DNAJC1: variants seen among roughly 807,000 people sequenced by gnomAD.
The protein encoded by DNAJC1 is DnaJ heat shock protein family (Hsp40) member C1.
Under a neutral mutation model 76.6 loss-of-function variants are expected in DNAJC1, and 58 were observed. The ratio of observed to expected loss-of-function variants is 0.76; its 90% CI spans 0.61 to 0.94. DNAJC1 has a LOEUF of 0.94. Ranked by LOEUF, DNAJC1 falls within the 40% of genes least tolerant of loss-of-function variation. DNAJC1 has a pLI of 0.00. For missense variants in DNAJC1, 689 were observed against 677.3 expected (o/e 1.02, Z -0.19); for synonymous variants, 258 against 267.9 (o/e 0.96, Z 0.36).
chr10:21,960,397 A>G (rs1422069874), intron 1 of DNAJC1, among the ~76,000 whole-genome samples: 1 of 152,202 alleles, frequency 6.6e-6, no homozygotes, highest in African/African-American at 2.4e-5. Context: ...TAAGATATAG[A>G]AAACAAACAG....
chr10:21,925,400 A>G (rs750596216), intron 3 of DNAJC1, among the ~76,000 whole-genome samples: 1 of 152,208 alleles, frequency 6.6e-6, no homozygotes, highest in Admixed American at 6.5e-5. Context: ...TTGGGGGAGA[A>G]AAAGGCTTAA....
intron 1 of DNAJC1, among the ~76,000 whole-genome samples, chr10:21,963,848 T>C (rs943527960): frequency 6.6e-6 from 1 of 152,206 alleles, no homozygotes; most frequent in Non-Finnish European, 1.5e-5. Flanking sequence ...TTTTGCTTTT[T>C]TGTTTCTATT....
chr10:22,001,762 A>G (rs1364967734), intron 1 of DNAJC1, among the ~76,000 whole-genome samples: 1 of 152,236 alleles, frequency 6.6e-6, no homozygotes, highest in East Asian at 1.9e-4. Flanking sequence ...GATTATGTTT[A>G]AGACTCTCTT....
At chr10:21,889,699 C>T (rs1216398997) in intron 7 of DNAJC1, among the ~76,000 whole-genome samples, 1 of 152,070 alleles carries the variant, frequency 6.6e-6, no homozygotes, top group African/African-American at 2.4e-5. Flanking sequence ...AAACTAGCAA[C>T]CCAGAAACAC....
chr10:21,970,436 G>C (rs903614577), intron 1 of DNAJC1, among the ~76,000 whole-genome samples: 1 of 151,850 alleles, frequency 6.6e-6, no homozygotes, highest in Non-Finnish European at 1.5e-5. Context: ...AATAGCACTG[G>C]AACCAGAAAC....
chr10:21,942,879 A>T (rs949499469), intron 1 of DNAJC1, among the ~76,000 whole-genome samples: 6 of 152,028 alleles, frequency 3.9e-5, no homozygotes, highest in African/African-American at 1.4e-4. Context: ...TTCATGGTTC[A>T]TTTAAAAAAT....
At chr10:22,000,848 C>T (rs939403755) in intron 1 of DNAJC1, among the ~76,000 whole-genome samples, 2 of 152,148 alleles carry the variant, frequency 1.3e-5, no homozygotes, top group Non-Finnish European at 2.9e-5. Flanking sequence ...CAGAATCTGC[C>T]GGTGCCTTAA....
intron 8 of DNAJC1, among the ~76,000 whole-genome samples, chr10:21,841,938 T>A (rs1379456003): frequency 6.6e-6 from 1 of 152,012 alleles, no homozygotes; most frequent in Non-Finnish European, 1.5e-5. Flanking sequence ...TGAGTTCATG[T>A]CCTTTGTAGG....
At chr10:21,909,422 AC>A (rs565975120) in intron 6 of DNAJC1, among the ~76,000 whole-genome samples, 2,400 of 152,366 alleles carry the variant, frequency 0.016, 32 homozygotes, top group Non-Finnish European at 0.024. Flanking sequence ...TATATAAGAT[AC>A]AACAGTTTCC....
intron 8 of DNAJC1, among the ~76,000 whole-genome samples, chr10:21,830,215 T>C (rs1835333715): frequency 6.6e-6 from 1 of 152,186 alleles, no homozygotes; most frequent in Non-Finnish European, 1.5e-5. Flanking sequence ...CTCACTACCC[T>C]CTCTTTTTTT....
intron 1 of DNAJC1, among the ~76,000 whole-genome samples, chr10:21,969,799 T>C (rs72806949): frequency 0.035 from 5,345 of 152,238 alleles, 151 homozygotes; most frequent in African/African-American, 0.074. Flanking sequence ...TGGTATTATA[T>C]CTCAAGAATA....
intron 6 of DNAJC1, among the ~76,000 whole-genome samples, chr10:21,916,163 G>A (rs546173175): frequency 6.6e-6 from 1 of 152,116 alleles, no homozygotes; most frequent in Non-Finnish European, 1.5e-5. Flanking sequence ...ATGCCAGAAA[G>A]AGTACAAGAA....
intron 9 of DNAJC1, among the ~76,000 whole-genome samples, chr10:21,767,225 G>A (rs1210783121): frequency 2.0e-5 from 3 of 152,198 alleles, no homozygotes; most frequent in African/African-American, 7.2e-5. Context: ...GAGTGGGGCA[G>A]CTGCACCCAA....
intron 8 of DNAJC1, among the ~76,000 whole-genome samples, chr10:21,830,774 G>C (rs571016767): frequency 6.6e-6 from 1 of 152,030 alleles, no homozygotes; most frequent in South Asian, 2.1e-4. Flanking sequence ...CTACATTCTG[G>C]ATGATTTGAC....
intron 8 of DNAJC1, among the ~76,000 whole-genome samples, chr10:21,845,924 T>C (rs1233101257): frequency 6.6e-6 from 1 of 152,106 alleles, no homozygotes; most frequent in East Asian, 1.9e-4. Flanking sequence ...TAAGAAACTT[T>C]TGAAAAAAGA....
At chr10:21,941,084 T>C (rs1464419562) in intron 1 of DNAJC1, among the ~76,000 whole-genome samples, 1 of 113,406 alleles carries the variant, frequency 8.8e-6, no homozygotes, top group African/African-American at 3.5e-5. Context: ...ACTCCGTCTC[T>C]ACTAAAAATA....
At chr10:21,857,836 C>A (rs1176836513) in intron 8 of DNAJC1, among the ~76,000 whole-genome samples, 2 of 151,052 alleles carry the variant, frequency 1.3e-5, no homozygotes, top group African/African-American at 4.9e-5. Flanking sequence ...AGCCTGGCAA[C>A]AGAGCAAGGC....
chr10:21,801,643 A>G (rs781389684), intron 9 of DNAJC1, among the ~76,000 whole-genome samples: 9 of 152,172 alleles, frequency 5.9e-5, no homozygotes, highest in Non-Finnish European at 1.3e-4. Context: ...CTGGACATAT[A>G]CCCAGAGGAA....
chr10:21,840,451 A>G lies in DNAJC1; in HGVS notation c.979-34352T>C, dbSNP rs1835556809. ...ACAAAAATCACAAGCATTCTTATAC[A>G]CCAATAACAGACAAACACAGAGCCA... is the stretch of plus-strand genomic sequence containing the variant. On this transcript the variant is annotated intron_variant, in intron 8 of 11. Transcript: ENST00000376980. 3.9e-5 allele frequency among the ~76,000 whole-genome samples: 6 copies of G among 152,224 alleles called. No homozygotes were observed. In the South Asian group the frequency reaches 1.2e-3, roughly 32 times the overall value.
Sources: allele counts gnomAD v4.1 joint callset (sites outside exome capture counted in the v4.1 genomes callset), GRCh38; gene constraint gnomAD v4.1.1; transcripts MANE v1.5; gene names NCBI Gene and HGNC (gene_info 2026-07-23, HGNC 2026-07-21).